ATXN1: variants seen among roughly 807,000 people sequenced by gnomAD.
ATXN1 encodes the protein ataxin 1.
A neutral mutation model predicts 56.4 loss-of-function variants in ATXN1; 8 were observed. The observed-to-expected ratio is 0.14, with a 90% CI of 0.08 to 0.26. The LOEUF (loss-of-function observed/expected upper bound fraction) is 0.26, where lower values mean the gene tolerates loss of function less well. Ranked by LOEUF, ATXN1 falls within the 10% of genes least tolerant of loss-of-function variation. The probability of loss-of-function intolerance (pLI) is 1.00; values close to 1 mark genes in which losing one functional copy is unlikely to be tolerated. For synonymous variants in ATXN1, 514 were observed against 494.6 expected (o/e 1.04, Z -0.52); for missense variants, 987 against 1,106.5 (o/e 0.89, Z 1.53).
chr6:16,573,746 G>C (rs1401189861), intron 4 of ATXN1, among the ~76,000 whole-genome samples: 2 of 152,118 alleles, frequency 1.3e-5, no homozygotes, highest in Non-Finnish European at 2.9e-5. Context: ...ATCCCATGCA[G>C]GCCATCTGTG....
At chr6:16,456,552 C>T (rs191952061) in intron 6 of ATXN1, among the ~76,000 whole-genome samples, 160 of 152,264 alleles carry the variant, frequency 1.1e-3, no homozygotes, top group African/African-American at 3.3e-3. Context: ...CATTCAGCTC[C>T]GGGGTCTCAA....
intron 2 of ATXN1, among the ~76,000 whole-genome samples, chr6:16,749,540 T>C (rs1760646010): frequency 6.6e-6 from 1 of 152,196 alleles, no homozygotes; most frequent in African/African-American, 2.4e-5. Flanking sequence ...AAGATTTCAT[T>C]GAACTGTAGT....
intron 3 of ATXN1, among the ~76,000 whole-genome samples, chr6:16,618,073 A>T (rs1006283852): frequency 3.0e-4 from 45 of 152,152 alleles, no homozygotes; most frequent in Non-Finnish European, 1.5e-4. Flanking sequence ...ATTAAAAAAA[A>T]ATTGCAGCCA....
At chr6:16,550,335 C>T (rs985762047) in intron 4 of ATXN1, among the ~76,000 whole-genome samples, 4 of 152,112 alleles carry the variant, frequency 2.6e-5, no homozygotes, top group African/African-American at 4.8e-5. Flanking sequence ...CAACCACATG[C>T]TCCTGTCAAC....
chr6:16,492,557 T>TA lies in ATXN1; in HGVS notation c.-298-6449_-298-6448insT, dbSNP rs567628553. Among the ~76,000 whole-genome samples the TA allele has an allele frequency of 0.025, 518 of 20,388 alleles. 7 individuals are homozygous for TA. In the East Asian group the frequency reaches 0.4, roughly 16 times the overall value. 13.4% of individuals were successfully genotyped at this position (20,388 alleles called of 152,430 possible). A position where few individuals can be genotyped will look rare whatever the true frequency, so the allele number is the denominator to read the frequency against. ...CAATCCACATATAATACAATACATT[T>TA]CTTTTTTTTTTTGCTTGAATCACTT... On this transcript the variant is annotated intron_variant, in intron 5 of 7. Coordinates refer to ENST00000436367, the MANE Select transcript of ATXN1 (RefSeq NM_001128164.2).
intron 2 of ATXN1, among the ~76,000 whole-genome samples, chr6:16,707,483 C>T (rs1424538598): frequency 6.6e-6 from 1 of 152,148 alleles, no homozygotes; most frequent in East Asian, 1.9e-4. Flanking sequence ...TCAAGAGTAC[C>T]TAGATGGTCT....
At chr6:16,719,908 A>G (rs1438862021) in intron 2 of ATXN1, among the ~76,000 whole-genome samples, 1 of 152,164 alleles carries the variant, frequency 6.6e-6, no homozygotes, top group East Asian at 1.9e-4. Context: ...GGCCCGGCTG[A>G]CACCTGATTT....
intron 4 of ATXN1, among the ~76,000 whole-genome samples, chr6:16,549,850 C>T (rs935643655): frequency 3.5e-5 from 5 of 144,896 alleles, no homozygotes; most frequent in African/African-American, 1.3e-4. Context: ...GAGCCGAGAT[C>T]GCACCATTGC....
At chr6:16,456,709 C>A (rs2113620268) in intron 6 of ATXN1, among the ~76,000 whole-genome samples, 1 of 152,306 alleles carries the variant, frequency 6.6e-6, no homozygotes, top group Non-Finnish European at 1.5e-5. Context: ...CCTCTCTTCT[C>A]CAAGGTTAGT....
At chr6:16,402,493 C>T (rs921580883) in intron 6 of ATXN1, among the ~76,000 whole-genome samples, 3 of 151,942 alleles carry the variant, frequency 2.0e-5, no homozygotes, top group South Asian at 2.1e-4. Flanking sequence ...GTTAACAACA[C>T]GAACACAACC....
chr6:16,606,867 T>TTGTGTGTGTGTGTGTGTGTGTGTGTGTG (rs759331296), intron 3 of ATXN1, among the ~76,000 whole-genome samples: 14,820 of 126,362 alleles, frequency 0.12, 1,181 homozygotes, highest in East Asian at 0.17. Flanking sequence ...GTTCCATGAG[T>TTGTGTGTGTGTGTGTGTGTGTGTGTGTG]TGTGTGTGTG....
chr6:16,516,551 T>C (rs1581814739), intron 5 of ATXN1, among the ~76,000 whole-genome samples: 2 of 152,336 alleles, frequency 1.3e-5, no homozygotes, highest in East Asian at 3.9e-4. Flanking sequence ...CATGGAGTTA[T>C]GCATGGAGGA....
intron 4 of ATXN1, among the ~76,000 whole-genome samples, chr6:16,534,781 C>T (rs530019372): frequency 2.4e-4 from 36 of 152,344 alleles, no homozygotes; most frequent in Middle Eastern, 3.4e-3. Context: ...TCTGTTCCCA[C>T]TTCCATGTCT....
intron 7 of ATXN1, among the ~76,000 whole-genome samples, chr6:16,307,475 C>T (rs555460812): frequency 5.3e-5 from 8 of 152,018 alleles, no homozygotes; most frequent in South Asian, 2.1e-4. Flanking sequence ...TCAAGACCAG[C>T]CTGGCCAACA....
At chr6:16,613,271 C>CAAAAAAAA (rs765813165) in intron 3 of ATXN1, among the ~76,000 whole-genome samples, 2 of 52,522 alleles carry the variant, frequency 3.8e-5, no homozygotes, top group African/African-American at 1.3e-4. Flanking sequence ...GACTCCGTCT[C>CAAAAAAAA]AAAAAAAAAA....
At chr6:16,435,438 G>A (rs1759369859) in intron 6 of ATXN1, among the ~76,000 whole-genome samples, 2 of 152,070 alleles carry the variant, frequency 1.3e-5, no homozygotes, top group African/African-American at 4.8e-5. Flanking sequence ...CAGGTAGAAA[G>A]GGAACACCTG....
chr6:16,354,512 C>T (rs995949800), intron 6 of ATXN1, among the ~76,000 whole-genome samples: 2 of 152,196 alleles, frequency 1.3e-5, no homozygotes, highest in African/African-American at 4.8e-5. Flanking sequence ...CTGCCTCAGC[C>T]TCCCAAAGTG....
intron 3 of ATXN1, among the ~76,000 whole-genome samples, chr6:16,592,566 C>T (rs991264834): frequency 3.3e-5 from 5 of 152,186 alleles, no homozygotes; most frequent in African/African-American, 9.6e-5. Flanking sequence ...CAAGCCTTTA[C>T]TTGATGGATT....
intron 4 of ATXN1, among the ~76,000 whole-genome samples, chr6:16,573,409 C>G (rs1762366449): frequency 6.6e-6 from 1 of 152,042 alleles, no homozygotes; most frequent in Admixed American, 6.6e-5. Context: ...ATATGTTGCC[C>G]CCTTTTCCTT....
Sources: allele counts gnomAD v4.1 joint callset (sites outside exome capture counted in the v4.1 genomes callset), GRCh38; gene constraint gnomAD v4.1.1; transcripts MANE v1.5; gene names NCBI Gene and HGNC (gene_info 2026-07-23, HGNC 2026-07-21).